Variants in COL22A1 observed in about 807,000 individuals in gnomAD.
COL22A1 encodes collagen type XXII alpha 1 chain.
In COL22A1, 221 loss-of-function variants were observed where a neutral mutation model predicts 248.9. That is an observed-to-expected ratio of 0.89 (90% CI 0.80 to 0.99). COL22A1 has a LOEUF of 0.99. COL22A1 is among the 50% of genes least tolerant of loss of function. The pLI, the probability that COL22A1 is intolerant of heterozygous loss-of-function variation, is 0.00. For missense variants in COL22A1, 2,240 were observed against 2,179.0 expected, an observed-to-expected ratio of 1.03 and a Z score of -0.56; for synonymous variants, 891 against 793.4, an observed-to-expected ratio of 1.12 and a Z score of -2.07.
intron 6 of COL22A1, among the ~76,000 whole-genome samples, chr8:138,822,416 A>G (rs768289404): frequency 5.3e-5 from 8 of 152,210 alleles, no homozygotes; most frequent in Non-Finnish European, 1.0e-4. Context: ...TCATCCCTCC[A>G]GAATAGTCAC....
intron 18 of COL22A1, among the ~76,000 whole-genome samples, chr8:138,758,323 TC>T (rs1833194327): frequency 6.6e-6 from 1 of 152,178 alleles, no homozygotes; most frequent in Middle Eastern, 3.2e-3. Context: ...GCCATGCCAT[TC>T]CCAGATTCCT....
chr8:138,613,851 G>C lies in COL22A1; in HGVS notation c.3978+16C>G. The C allele has an allele frequency of 6.2e-7, 1 of 1,611,246 alleles. No individual in the cohort carries two copies. The highest frequency in any genetic ancestry group is 2.2e-5 in the East Asian group (1 of 44,864). On this transcript the variant is annotated intron_variant, in intron 56 of 64. Transcript: ENST00000303045. ...TGTAATAACATGAAGCACATTAGTC[G>C]CAAAGCAAAACTCACCGGTGGGCCC... is the stretch of plus-strand genomic sequence containing the variant.
chr8:138,664,207 GCGCACA>G (rs1473170994), intron 41 of COL22A1, among the ~76,000 whole-genome samples: 1,649 of 87,398 alleles, frequency 0.019, 25 homozygotes, highest in African/African-American at 0.054. Flanking sequence ...GCGCGCGCGC[GCGCACA>G]CACACACACA....
At chr8:138,772,124 A>G (rs1341537076) in intron 16 of COL22A1, among the ~76,000 whole-genome samples, 2 of 152,112 alleles carry the variant, frequency 1.3e-5, no homozygotes, top group Admixed American at 6.5e-5. Context: ...ACATCGCCAA[A>G]AAGTCCCATT....
intron 59 of COL22A1, 43 bp from the exon 60 acceptor site, chr8:138,602,202 G>A: frequency 6.2e-7 from 1 of 1,605,012 alleles, no homozygotes; most frequent in Non-Finnish European, 8.5e-7. Context: ...CGGGCCCTCT[G>A]CACTGGTGTC....
intron 2 of COL22A1, among the ~76,000 whole-genome samples, chr8:138,881,066 T>G (rs962203839): frequency 6.6e-6 from 1 of 152,190 alleles, no homozygotes. Context: ...GCAGGGGCTA[T>G]GCCACTCCTG....
In COL22A1 at chr8:138,599,575, A is replaced by G. The variant is rs139650806; in HGVS notation, c.4186-677T>C. Among the ~76,000 whole-genome samples the G allele has an allele frequency of 2.3e-3, 355 of 152,276 alleles. 3 individuals are homozygous for G. The highest frequency in any genetic ancestry group is 8.3e-3 in the African/African-American group (346 of 41,566). On this transcript the variant is annotated intron_variant, in intron 60 of 64. Coordinates refer to ENST00000303045, the MANE Select transcript of COL22A1 (RefSeq NM_152888.3). Reference sequence around the variant, plus strand: ...CATTAGCAAAATTTTTTTTAAAAAAACTAGCCAGGTACAGTGGCAATTGCC... The same window carrying G: ...CATTAGCAAAATTTTTTTTAAAAAAGCTAGCCAGGTACAGTGGCAATTGCC...
intron 51 of COL22A1, among the ~76,000 whole-genome samples, chr8:138,624,328 C>T (rs1395960843): frequency 1.3e-5 from 2 of 152,072 alleles, no homozygotes; most frequent in African/African-American, 2.4e-5. Flanking sequence ...GAAGTGGAAA[C>T]AGAGTGATAA....
In COL22A1 at chr8:138,878,277, T is replaced by C; in HGVS notation, c.131A>G (p.Asp44Gly). The change falls in exon 3 of 65, where the codon GAC becomes GGC. Residue 44 changes from aspartate to glycine, a missense_variant. Coordinates refer to ENST00000303045, the MANE Select transcript of COL22A1 (RefSeq NM_152888.3). Reference sequence around the variant, plus strand: ...CTCCTTGCCCACGCTGGAGGAGGTGTCCAGGAGGAAGACCAGATCGTAGTG... The same window carrying C: ...CTCCTTGCCCACGCTGGAGGAGGTGCCCAGGAGGAAGACCAGATCGTAGTG... ...SVHYDLVFLL[D>G]TSSSVGKEDF... is the part of the protein sequence containing the mutation. 6.3e-7 allele frequency: 1 copy of C among 1,578,230 alleles called. No individual in the cohort carries two copies.
At chr8:138,625,181 G>T (rs1189970261) in intron 51 of COL22A1, among the ~76,000 whole-genome samples, 2 of 152,168 alleles carry the variant, frequency 1.3e-5, no homozygotes. Flanking sequence ...TCCTAGCCTG[G>T]TGGGGAGCAG....
intron 2 of COL22A1, among the ~76,000 whole-genome samples, chr8:138,882,426 TCA>T (rs1392254043): frequency 3.9e-5 from 5 of 128,034 alleles, no homozygotes; most frequent in South Asian, 2.9e-4. Flanking sequence ...TCACACTCCC[TCA>T]CACACTTCCT....
At chr8:138,778,122 G>A (rs1458393022) in intron 15 of COL22A1, 1 of 595,196 alleles carries the variant, frequency 1.7e-6, no homozygotes, top group Non-Finnish European at 3.0e-6. Context: ...GCTTCTTGAT[G>A]TGAGAAAGGG....
chr8:138,878,778 C>T (rs761617066), intron 2 of COL22A1, among the ~76,000 whole-genome samples: 11 of 152,086 alleles, frequency 7.2e-5, no homozygotes, highest in South Asian at 4.1e-4. Flanking sequence ...GAGGCCAAGG[C>T]GGGTGGATCA....
At chr8:138,805,641 A>ATGTGTGATGGTGTGTTATGG (rs1817509227) in intron 10 of COL22A1, among the ~76,000 whole-genome samples, 2 of 103,442 alleles carry the variant, frequency 1.9e-5, no homozygotes, top group African/African-American at 3.9e-5. Flanking sequence ...GTGTGATGGT[A>ATGTGTGATGGTGTGTTATGG]TGTGTGATGG....
chr8:138,800,186 C>A (rs992732870), intron 11 of COL22A1, among the ~76,000 whole-genome samples: 1 of 152,162 alleles, frequency 6.6e-6, no homozygotes, highest in Admixed American at 6.5e-5. Flanking sequence ...CTTTTCTCAG[C>A]TTGCATCCTT....
chr8:138,693,831 C>G, intron 34 of COL22A1, 132 bp from the exon 35 acceptor site: 1 of 890,758 alleles, frequency 1.1e-6, no homozygotes, highest in East Asian at 2.7e-5. Context: ...CCGGGAGCAC[C>G]GTCTAAAAGG....
chr8:138,673,101 GA>G (rs1825180322), intron 41 of COL22A1, among the ~76,000 whole-genome samples: 1 of 152,206 alleles, frequency 6.6e-6, no homozygotes, highest in Non-Finnish European at 1.5e-5. Flanking sequence ...TTGGCAGACA[GA>G]GCTCCTGGCT....
intron 45 of COL22A1, among the ~76,000 whole-genome samples, chr8:138,650,709 G>C (rs62527871): frequency 1.2e-4 from 9 of 72,044 alleles, no homozygotes; most frequent in Admixed American, 1.2e-3. Context: ...TAGATAGATA[G>C]ATAGATAGAC....
chr8:138,865,792 C>T (rs1262062296), intron 3 of COL22A1, among the ~76,000 whole-genome samples: 2 of 76,648 alleles, frequency 2.6e-5, no homozygotes, highest in African/African-American at 6.5e-5. Context: ...TGTTTGTATG[C>T]CTGTGTGTGT....
Sources: gnomAD v4.1 joint callset for allele counts (sites outside exome capture counted in the v4.1 genomes callset) on GRCh38, gnomAD v4.1.1 for gene constraint, MANE v1.5 for transcripts, NCBI Gene and HGNC (gene_info 2026-07-23, HGNC 2026-07-21) for gene names.